Variants in RAI1 observed in about 807,000 individuals in gnomAD.
The protein encoded by RAI1 is retinoic acid induced 1.
A neutral mutation model predicts 123.8 loss-of-function variants in RAI1; 9 were observed. The ratio of observed to expected loss-of-function variants is 0.07; its 90% CI spans 0.04 to 0.13. RAI1 has a LOEUF of 0.13. RAI1 is among the 10% of genes least tolerant of loss of function. The pLI is 1.00. For missense variants in RAI1, 2,256 were observed against 2,545.8 expected, an observed-to-expected ratio of 0.89 and a Z score of 2.45; for synonymous variants, 1,231 against 1,127.3, an observed-to-expected ratio of 1.09 and a Z score of -1.84.
intron 2 of RAI1, among the ~76,000 whole-genome samples, chr17:17,731,953 C>T (rs1002420784): frequency 6.6e-6 from 1 of 151,898 alleles, no homozygotes; most frequent in African/African-American, 2.4e-5. Flanking sequence ...AGGAACAGTG[C>T]CCAGAGCCTT....
chr17:17,762,227 G>A (rs932995843), intron 2 of RAI1, among the ~76,000 whole-genome samples: 1 of 152,154 alleles, frequency 6.6e-6, no homozygotes, highest in Non-Finnish European at 1.5e-5. Flanking sequence ...GTTCCCTTAG[G>A]CAGGGCAGTC....
chr17:17,778,527 A>G lies in RAI1; in HGVS notation c.-16-14406A>G, dbSNP rs1598073384. On this transcript the variant is annotated intron_variant, in intron 2 of 5. Coordinates refer to ENST00000353383, the MANE Select transcript of RAI1 (RefSeq NM_030665.4). Reference sequence around the variant, plus strand: ...AAGGTCACCCAGCATATACATATGCAGGAGCTGGGATATGAATCCAGAGCT... The same window carrying G: ...AAGGTCACCCAGCATATACATATGCGGGAGCTGGGATATGAATCCAGAGCT... The G allele has an allele frequency of 8.5e-6, 3 of 354,796 alleles. No individual in the cohort carries two copies. In the East Asian group the frequency reaches 2.2e-4, roughly 26 times the overall value. The allele number at this position is 354,796 out of a possible 1,614,324, so 22.0% of individuals were successfully genotyped here.
At chr17:17,720,209 GACACAC>G (rs368204889) in intron 1 of RAI1, among the ~76,000 whole-genome samples, 37 of 152,256 alleles carry the variant, frequency 2.4e-4, no homozygotes, top group African/African-American at 7.9e-4. Context: ...ATGGCATCTG[GACACAC>G]ACTTGCATGA....
In RAI1 at chr17:17,795,077, C is replaced by G; in HGVS notation, c.2129C>G (p.Thr710Ser). 2 of 1,614,168 alleles carry G rather than the reference C, an allele frequency of 1.2e-6. No homozygotes were observed. Among genetic ancestry groups the G allele is most frequent in the Non-Finnish European group, 1.7e-6 (2 of 1,180,054 alleles). ...KKTTGPLSFG[T>S]KPTLGVPAPD... ...ACAACTGGTCCTCTCTCCTTTGGTA[C>G]CAAGCCCACCCTTGGGGTTCCTGCT... The change falls in exon 3 of 6, where the codon ACC (threonine) becomes AGC (serine). Residue 710 changes from threonine (T) to serine (S), a missense_variant. Physicochemically the swap from Thr to Ser is moderately conservative, Grantham distance 58. This residue lies in a region of RAI1 where 566 missense variants were observed against 616.0 expected (regional missense o/e 0.92). Coordinates refer to ENST00000353383, the MANE Select transcript of RAI1 (RefSeq NM_030665.4). This position sits in a 1 kb window ranked among gnomAD's most constrained non-coding sequence, Gnocchi z 5.9.
intron 1 of RAI1, among the ~76,000 whole-genome samples, chr17:17,694,317 G>A (rs896580882): frequency 5.3e-5 from 8 of 152,270 alleles, no homozygotes; most frequent in Non-Finnish European, 1.2e-4. Context: ...TCGTCGCGGT[G>A]GAGACGCACG....
chr17:17,809,541 C>A lies in RAI1; in HGVS notation c.5709+102C>A. 1 of 1,283,630 alleles carries A rather than the reference C, an allele frequency of 7.8e-7. No homozygotes were observed. The highest frequency in any genetic ancestry group is 1.1e-6 in the Non-Finnish European group (1 of 890,938). The allele number at this position is 1,283,630 out of a possible 1,614,324, so 79.5% of individuals were successfully genotyped here. A position where few individuals can be genotyped will look rare whatever the true frequency, so the allele number is the denominator to read the frequency against. On this transcript the variant is annotated intron_variant, in intron 5 of 5. Transcript: ENST00000353383. The surrounding 1 kb of genome is among the most constrained non-coding windows in gnomAD (Gnocchi z 4.9). ...CCCCTGGGCCCCCTTGGCTGCGCAG[C>A]CCCGCAGGGCCCAGCCCTAGGGGAG... is the stretch of plus-strand genomic sequence containing the variant.
rs1567928665 is a variant in RAI1 at position 17,797,832 on chromosome 17, CTCCTCTGCCTCCTCTTCCTCATCCTCG to C, written c.4890_4916del (p.Ala1631_Ser1639del). ...CGCCCAAGCCCCACAGGAAGCCTTC[CTCCTCTGCCTCCTCTTCCTCATCCTCG>C]TCCTCGTTCTCCTTGGATGCAGCCG... On this transcript the variant is annotated inframe_deletion, in exon 3 of 6. Transcript: ENST00000353383. The C allele has an allele frequency of 6.2e-7, 1 of 1,614,060 alleles. No individual in the cohort carries two copies. Among genetic ancestry groups the C allele is most frequent in the Admixed American group, 1.7e-5 (1 of 60,036 alleles).
intron 1 of RAI1, among the ~76,000 whole-genome samples, chr17:17,706,945 A>G (rs975551496): frequency 6.6e-6 from 1 of 152,236 alleles, no homozygotes; most frequent in African/African-American, 2.4e-5. Context: ...GCTCTGCCCT[A>G]GGTGCCCATG....
Position 17,796,715 on chromosome 17 carries a change from G to T in RAI1, c.3767G>T (p.Gly1256Val), listed in dbSNP as rs765140688. ...SSSSNASGNG[G>V]DGKEERPEGS... is the part of the protein sequence containing the mutation. ...AGCAGCAACGCCAGTGGCAATGGGG[G>T]AGATGGGAAGGAGGAGAGGCCTGAG... The change falls in exon 3 of 6, where the codon GGA (glycine) becomes GTA (valine). Residue 1256 changes from glycine (G) to valine (V), a missense_variant. By Grantham distance (109) the Gly-to-Val change is moderately radical. This residue lies in a region of RAI1 where 322 missense variants were observed against 358.0 expected (regional missense o/e 0.90). Transcript: ENST00000353383. This position sits in a 1 kb window ranked among gnomAD's most constrained non-coding sequence, Gnocchi z 5.8. 6.2e-7 allele frequency: 1 copy of T among 1,613,586 alleles called. No individual in the cohort carries two copies. The highest frequency in any genetic ancestry group is 2.2e-5 in the East Asian group (1 of 44,884).
At chr17:17,746,104 A>C (rs1437340329) in intron 2 of RAI1, among the ~76,000 whole-genome samples, 1 of 152,216 alleles carries the variant, frequency 6.6e-6, no homozygotes, top group African/African-American at 2.4e-5. Context: ...AGCACCTGTC[A>C]GCCCCGAGCA....
intron 2 of RAI1, among the ~76,000 whole-genome samples, chr17:17,742,814 G>A (rs76982527): frequency 6.6e-6 from 1 of 152,144 alleles, no homozygotes; most frequent in Non-Finnish European, 1.5e-5. Flanking sequence ...ACCCTATGGG[G>A]CCCCTCGGCC....
At chr17:17,682,351 C>CGGCCCCGGGGCCTGTGCGCA (rs1476804770) in intron 1 of RAI1, 2 of 151,026 alleles carry the variant, frequency 1.3e-5, no homozygotes, top group African/African-American at 2.4e-5. Flanking sequence ...ACCCGGGCAG[C>CGGCCCCGGGGCCTGTGCGCA]GGCCCCGGGG....
intron 2 of RAI1, among the ~76,000 whole-genome samples, chr17:17,740,768 T>A (rs939214570): frequency 1.3e-5 from 2 of 152,158 alleles, no homozygotes; most frequent in Non-Finnish European, 2.9e-5. Flanking sequence ...TTGACCTGCA[T>A]CCTGTTGCCC....
chr17:17,718,312 G>T (rs1240485321), intron 1 of RAI1, among the ~76,000 whole-genome samples: 1 of 152,174 alleles, frequency 6.6e-6, no homozygotes, highest in Non-Finnish European at 1.5e-5. Context: ...TTCCAAAAAT[G>T]TAAGAGAACT....
intron 2 of RAI1, among the ~76,000 whole-genome samples, chr17:17,783,604 C>G (rs990671065): frequency 3.3e-5 from 5 of 152,158 alleles, no homozygotes; most frequent in African/African-American, 1.2e-4. Flanking sequence ...CTGCCCCAGC[C>G]GGGCTGCAGG....
rs1283340427 is a variant in RAI1 at position 17,793,161 on chromosome 17, C to T, written c.213C>T (p.Ala71=). The change falls in exon 3 of 6, where the codon GCC becomes GCT. Residue 71 remains alanine, a synonymous_variant. Coordinates refer to ENST00000353383, the MANE Select transcript of RAI1 (RefSeq NM_030665.4). ...CTGGCACGCCCTCTGGCACTGCAGC[C>T]GCGGTGGCCGCCGACAAGTACCACC... The part of the protein sequence containing the change: ...GGAGTPSGTA[A]AVAADKYHRG... 7.4e-6 allele frequency: 12 copies of T among 1,612,988 alleles called. No homozygotes were observed. Among genetic ancestry groups the T allele is most frequent in the African/African-American group, 2.7e-5 (2 of 74,900 alleles).
intron 2 of RAI1, among the ~76,000 whole-genome samples, chr17:17,731,378 A>G (rs1351792958): frequency 6.6e-6 from 1 of 152,178 alleles, no homozygotes; most frequent in African/African-American, 2.4e-5. Context: ...CTGCAGAAGG[A>G]AGGGTGTTGG....
intron 2 of RAI1, among the ~76,000 whole-genome samples, chr17:17,761,752 A>G (rs2030706317): frequency 6.6e-6 from 1 of 151,980 alleles, no homozygotes. Flanking sequence ...GGTGGGTGGG[A>G]ATCCCCTGTG....
chr17:17,802,099 T>C, intron 3 of RAI1: 1 of 471,046 alleles, frequency 2.1e-6, no homozygotes. Context: ...TCAGGTTTGC[T>C]TCACTCTTCC....
Sources: allele counts gnomAD v4.1 joint callset (sites outside exome capture counted in the v4.1 genomes callset), GRCh38; gene constraint gnomAD v4.1.1; regional missense constraint gnomAD v4.1.1; non-coding constraint Gnocchi (gnomAD v3.1); transcripts MANE v1.5; gene names NCBI Gene and HGNC (gene_info 2026-07-23, HGNC 2026-07-21).